Variants in ERBB4 observed in about 807,000 individuals in gnomAD.
The protein encoded by ERBB4 is erb-b2 receptor tyrosine kinase 4, also known as receptor tyrosine-protein kinase erbB-4.
A neutral mutation model predicts 158.0 loss-of-function variants in ERBB4; 42 were observed. The observed-to-expected ratio is 0.27, with a 90% CI of 0.21 to 0.34. The LOEUF (loss-of-function observed/expected upper bound fraction) is 0.34, where lower values mean the gene tolerates loss of function less well. Ranked by LOEUF, ERBB4 falls within the 10% of genes least tolerant of loss-of-function variation. ERBB4 has a pLI of 1.00. For missense variants in ERBB4, 1,333 were observed against 1,624.1 expected (o/e 0.82, Z 3.08); for synonymous variants, 583 against 558.7 (o/e 1.04, Z -0.61).
intron 1 of ERBB4, among the ~76,000 whole-genome samples, chr2:212,224,722 G>A (rs1225912779): frequency 2.0e-5 from 3 of 151,716 alleles, no homozygotes; most frequent in African/African-American, 4.8e-5. Context: ...ATATAACAAC[G>A]AAAAAGTAAG....
rs774351124 is a variant in ERBB4, at chr2:211,590,627, C to T, written c.2302-28539G>A. Among the ~76,000 whole-genome samples, 98 of 152,278 alleles carry T rather than the reference C, an allele frequency of 6.4e-4. No individual in the cohort carries two copies. In the Middle Eastern group the frequency reaches 0.02, roughly 32 times the overall value. ...CACTCCCCAACTCACTGCCCCTCCC[C>T]TCCCACCAAACTGTCTTTATAAACT... On this transcript the variant is annotated intron_variant, in intron 19 of 27. Transcript: ENST00000342788.
At chr2:212,489,247 G>A (rs545195995) in intron 1 of ERBB4, among the ~76,000 whole-genome samples, 3 of 151,996 alleles carry the variant, frequency 2.0e-5, no homozygotes, top group African/African-American at 7.2e-5. Flanking sequence ...ACTTGTGAGA[G>A]ATATCGTATT....
rs1183916264 is a variant in ERBB4, at chr2:212,379,759, T to C, written c.82+158690A>G. On this transcript the variant is annotated intron_variant, in intron 1 of 27. Transcript: ENST00000342788. ...CCCTGATATTTTGGGGGAAAAACACTCAATTTTTCTATCATATATATTTTT... is the reference window on the plus strand; with the variant it reads ...CCCTGATATTTTGGGGGAAAAACACCCAATTTTTCTATCATATATATTTTT... Among the ~76,000 whole-genome samples, 3 of 151,280 alleles carry C rather than the reference T, an allele frequency of 2.0e-5. No homozygotes were observed. In the Admixed American group the frequency reaches 2.0e-4, roughly 10 times the overall value.
intron 5 of ERBB4, among the ~76,000 whole-genome samples, chr2:211,736,419 T>A (rs1162762075): frequency 6.6e-6 from 1 of 152,184 alleles, no homozygotes; most frequent in Non-Finnish European, 1.5e-5. Context: ...TAAAAATGTA[T>A]TGTTGGGCAG....
intron 3 of ERBB4, among the ~76,000 whole-genome samples, chr2:211,942,303 T>C (rs1277951750): frequency 6.6e-6 from 1 of 151,996 alleles, no homozygotes; most frequent in Non-Finnish European, 1.5e-5. Context: ...TTACAACATT[T>C]ACATGTTGTA....
chr2:212,451,548 A>G (rs1428234451), intron 1 of ERBB4, among the ~76,000 whole-genome samples: 1 of 152,240 alleles, frequency 6.6e-6, no homozygotes, highest in Non-Finnish European at 1.5e-5. Context: ...GGATTAAAAG[A>G]GTAGCTCTAT....
chr2:212,310,262 C>T (rs913279407), intron 1 of ERBB4, among the ~76,000 whole-genome samples: 1 of 150,506 alleles, frequency 6.6e-6, no homozygotes, highest in Non-Finnish European at 1.5e-5. Context: ...ATTCAAATAT[C>T]ATCACCTTAA....
intron 20 of ERBB4, among the ~76,000 whole-genome samples, chr2:211,494,669 C>A (rs1185983456): frequency 6.6e-6 from 1 of 152,026 alleles, no homozygotes; most frequent in Non-Finnish European, 1.5e-5. Flanking sequence ...TTGAAAGAAG[C>A]CTGTATGATT....
chr2:211,537,356 CA>C (rs2066684729), intron 20 of ERBB4, among the ~76,000 whole-genome samples: 1 of 151,802 alleles, frequency 6.6e-6, no homozygotes, highest in South Asian at 2.1e-4. Flanking sequence ...TGACATTTCT[CA>C]AAATAGTAAA....
chr2:212,355,848 T>A (rs1194888481), intron 1 of ERBB4, among the ~76,000 whole-genome samples: 2 of 151,990 alleles, frequency 1.3e-5, no homozygotes, highest in African/African-American at 4.8e-5. Context: ...ATATATAAAA[T>A]CATCTAATAT....
chr2:212,190,129 G>A (rs1278472069), intron 1 of ERBB4, among the ~76,000 whole-genome samples: 1 of 146,544 alleles, frequency 6.8e-6, no homozygotes, highest in African/African-American at 2.4e-5. Context: ...TTTACTTACT[G>A]AACTAGAAAA....
chr2:212,154,958 A>T (rs1397474834), intron 1 of ERBB4, among the ~76,000 whole-genome samples: 1 of 152,150 alleles, frequency 6.6e-6, no homozygotes, highest in Non-Finnish European at 1.5e-5. Flanking sequence ...CATGAAGGAG[A>T]AACTTGACAC....
intron 1 of ERBB4, among the ~76,000 whole-genome samples, chr2:212,269,142 C>A (rs2085255305): frequency 6.6e-6 from 1 of 151,714 alleles, no homozygotes; most frequent in African/African-American, 2.4e-5. Flanking sequence ...ACAATGGAGA[C>A]CTGTCACCAC....
chr2:212,454,230 T>C (rs1302295179), intron 1 of ERBB4, among the ~76,000 whole-genome samples: 1 of 152,178 alleles, frequency 6.6e-6, no homozygotes, highest in Non-Finnish European at 1.5e-5. Context: ...TGAGCCACCA[T>C]GCCTGGCTAT....
intron 20 of ERBB4, among the ~76,000 whole-genome samples, chr2:211,458,469 G>A (rs1237606923): frequency 1.3e-5 from 2 of 151,956 alleles, no homozygotes; most frequent in East Asian, 1.9e-4. Context: ...TTTTCACCAT[G>A]TTGGCCGAGA....
intron 1 of ERBB4, among the ~76,000 whole-genome samples, chr2:212,358,712 AAG>A (rs1307205008): frequency 6.6e-6 from 1 of 151,750 alleles, no homozygotes; most frequent in Admixed American, 6.6e-5. Context: ...TAACATCACA[AAG>A]GCTAAATGTT....
chr2:212,338,940 G>C (rs2088573351), intron 1 of ERBB4, among the ~76,000 whole-genome samples: 1 of 151,892 alleles, frequency 6.6e-6, no homozygotes, highest in African/African-American at 2.4e-5. Context: ...TATTCAACTG[G>C]GTTTTTTAAA....
chr2:212,458,052 T>C (rs1183827442), intron 1 of ERBB4, among the ~76,000 whole-genome samples: 3 of 152,126 alleles, frequency 2.0e-5, no homozygotes, highest in Non-Finnish European at 2.9e-5. Flanking sequence ...TCAGCTAGTG[T>C]TCTGCCTGTC....
intron 1 of ERBB4, among the ~76,000 whole-genome samples, chr2:212,415,877 GT>G (rs2091637413): frequency 6.6e-6 from 1 of 152,104 alleles, no homozygotes; most frequent in Non-Finnish European, 1.5e-5. Context: ...CGAATAGAAA[GT>G]TTTATTTTTC....
Sources: allele counts gnomAD v4.1 joint callset (sites outside exome capture counted in the v4.1 genomes callset), GRCh38; gene constraint gnomAD v4.1.1; transcripts MANE v1.5; gene names NCBI Gene and HGNC (gene_info 2026-07-23, HGNC 2026-07-21).